NFATC1: variants seen among roughly 807,000 people sequenced by gnomAD.
The protein encoded by NFATC1 is nuclear factor of activated T-cells, cytoplasmic 1.
Under a neutral mutation model 76.0 loss-of-function variants are expected in NFATC1, and 22 were observed. The ratio of observed to expected loss-of-function variants is 0.29; its 90% confidence interval spans 0.21 to 0.41. The LOEUF (loss-of-function observed/expected upper bound fraction) is 0.41, where lower values mean the gene tolerates loss of function less well. Among genes scored for constraint, NFATC1 ranks in the 10% least tolerant of loss-of-function variants. NFATC1 has a pLI of 1.00. For synonymous variants in NFATC1, 704 were observed against 613.1 expected, an observed-to-expected ratio of 1.15 and a Z score of -2.19; for missense variants, 1,357 against 1,337.7, an observed-to-expected ratio of 1.01 and a Z score of -0.23.
chr18:79,399,927 T>C (rs2148124047), intron 1 of NFATC1, among the ~76,000 whole-genome samples: 1 of 152,076 alleles, frequency 6.6e-6, no homozygotes, highest in East Asian at 1.9e-4. Flanking sequence ...GGGGTCACCG[T>C]TGCAGCCGCT....
rs571800679 is a variant in NFATC1, at chr18:79,453,102, G to A, written c.1903+1286G>A. Among the ~76,000 whole-genome samples the A allele has an allele frequency of 3.3e-5, 5 of 152,330 alleles. No individual in the cohort carries two copies. In the South Asian group the frequency reaches 6.2e-4, roughly 19 times the overall value. On this transcript the variant is annotated intron_variant, in intron 6 of 9. Transcript: ENST00000427363. ...GACCGGGAAGGCATTTGCATTGCCC[G>A]TGCCTTCTCGGGAGGAGGCTAATTT...
intron 7 of NFATC1, among the ~76,000 whole-genome samples, chr18:79,464,711 T>TATATA (rs1260438061): frequency 8.4e-6 from 1 of 119,476 alleles, no homozygotes; most frequent in African/African-American, 3.6e-5. Flanking sequence ...TATTTATTTA[T>TATATA]TTTTTTTTTT....
chr18:79,467,622 G>A (rs747668619), intron 8 of NFATC1, 40 bp downstream of exon 8: 32 of 1,604,308 alleles, frequency 2.0e-5, no homozygotes, highest in Middle Eastern at 1.7e-4. Context: ...GAACATGAGC[G>A]CGTGGGGTGC....
intron 6 of NFATC1, among the ~76,000 whole-genome samples, chr18:79,456,357 G>A (rs1375194144): frequency 6.6e-6 from 1 of 152,210 alleles, no homozygotes; most frequent in African/African-American, 2.4e-5. Context: ...AGAGAGCCGG[G>A]TCAGAGGAGT....
chr18:79,397,497 G>A (rs1387893768), intron 1 of NFATC1, among the ~76,000 whole-genome samples: 1 of 152,216 alleles, frequency 6.6e-6, no homozygotes, highest in Admixed American at 6.5e-5. Context: ...CACGGAGGGG[G>A]GTCCGTGTGG....
intron 3 of NFATC1, among the ~76,000 whole-genome samples, chr18:79,436,341 A>G (rs2086775030): frequency 6.6e-6 from 1 of 152,194 alleles, no homozygotes; most frequent in South Asian, 2.1e-4. Flanking sequence ...TGCATTTGAG[A>G]AATGCTGTTC....
At position 79,498,904 on chromosome 18, in the gene NFATC1, A is replaced by G. The variant is rs551415938; in HGVS notation, c.2782+11967A>G. 2.3e-4 allele frequency among the ~76,000 whole-genome samples: 35 copies of G among 152,356 alleles called. 1 individual carries two copies. In the South Asian group the frequency reaches 6.8e-3, roughly 30 times the overall value. ...GAAAGAAAACCACTGTCAACCAAGA[A>G]TTCTATATCTAGTAAAACTCATCTT... On this transcript the variant is annotated intron_variant, in intron 9 of 9. Transcript: ENST00000427363.
At position 79,486,351 on chromosome 18, in the gene NFATC1, G is replaced by C; in HGVS notation, c.2196G>C (p.Gln732His). Residue 732 changes from glutamine to histidine, a missense_variant, in exon 9 of 10, where the codon CAG becomes CAC. Gln to His is a conservative substitution (Grantham distance 24). Transcript: ENST00000427363. ...LSPLPRPYYS[Q>H]QLAMPPDPSS... is the part of the protein sequence containing the mutation. The stretch of plus-strand genomic sequence containing the variant: ...CTCTCCCAAGACCATACTACAGCCA[G>C]CAGCTCGCGATGCCACCCGACCCCA... 1 of 1,613,112 alleles carries C rather than the reference G, an allele frequency of 6.2e-7. No homozygotes were observed. Among genetic ancestry groups the C allele is most frequent in the African/African-American group, 1.3e-5 (1 of 75,032 alleles).
At chr18:79,476,078 C>A (rs1386517538) in intron 8 of NFATC1, among the ~76,000 whole-genome samples, 1 of 150,672 alleles carries the variant, frequency 6.6e-6, no homozygotes, top group East Asian at 1.9e-4. Flanking sequence ...GTTGAGAAAT[C>A]TAAGGGCCAC....
chr18:79,396,818 C>T (rs1457079645), intron 1 of NFATC1, among the ~76,000 whole-genome samples: 2 of 150,812 alleles, frequency 1.3e-5, no homozygotes, highest in African/African-American at 4.9e-5. Flanking sequence ...CCACCCCGAG[C>T]TCGTGGCGGC....
intron 9 of NFATC1, among the ~76,000 whole-genome samples, chr18:79,498,561 T>G (rs1030255419): frequency 1.3e-5 from 2 of 152,194 alleles, no homozygotes; most frequent in African/African-American, 4.8e-5. Context: ...TAAACACATA[T>G]ACACATGCAT....
chr18:79,469,436 GGCGGCCCCCAGGACC>G, intron 8 of NFATC1: 6 of 985,522 alleles, frequency 6.1e-6, no homozygotes, highest in Non-Finnish European at 7.2e-6. Context: ...GGTGGGAGGT[GGCGGCCCCCAGGACC>G]GTGGCCACAG....
chr18:79,413,383 T>C (rs1020474288), intron 2 of NFATC1, among the ~76,000 whole-genome samples: 1 of 152,220 alleles, frequency 6.6e-6, no homozygotes, highest in African/African-American at 2.4e-5. Flanking sequence ...TCAGGGGCTG[T>C]TCTTTTGGAG....
chr18:79,499,781 G>A (rs1361068441), intron 9 of NFATC1, among the ~76,000 whole-genome samples: 1 of 152,184 alleles, frequency 6.6e-6, no homozygotes, highest in Non-Finnish European at 1.5e-5. Context: ...GAAAGTGAAA[G>A]GATGAAAAAG....
intron 3 of NFATC1, among the ~76,000 whole-genome samples, chr18:79,447,379 G>A (rs377317858): frequency 7.9e-5 from 12 of 152,374 alleles, no homozygotes; most frequent in African/African-American, 2.2e-4. Flanking sequence ...TGGCTGGAAC[G>A]TGCCTGCAGG....
chr18:79,479,261 C>G (rs2089189582), intron 8 of NFATC1, among the ~76,000 whole-genome samples: 1 of 152,252 alleles, frequency 6.6e-6, no homozygotes, highest in African/African-American at 2.4e-5. Context: ...TGGCTGATAT[C>G]AGGAGGTAGC....
intron 1 of NFATC1, chr18:79,402,341 G>T (rs2085295987): frequency 5.1e-6 from 5 of 985,298 alleles, no homozygotes; most frequent in Non-Finnish European, 6.0e-6. Flanking sequence ...TGAACATGGG[G>T]TCTCTCCTGA....
intron 2 of NFATC1, among the ~76,000 whole-genome samples, chr18:79,412,547 G>A (rs1198513278): frequency 6.6e-6 from 1 of 152,192 alleles, no homozygotes; most frequent in Non-Finnish European, 1.5e-5. Flanking sequence ...TGCCTGCAGG[G>A]TGAGGAAGGC....
At chr18:79,522,350 C>G (rs1381103182) in intron 9 of NFATC1, among the ~76,000 whole-genome samples, 5 of 86,280 alleles carry the variant, frequency 5.8e-5, no homozygotes, top group African/African-American at 2.5e-4. Context: ...TGGGGGGTGT[C>G]CACTGATGTT....
Sources: allele counts gnomAD v4.1 joint callset (sites outside exome capture counted in the v4.1 genomes callset), GRCh38; gene constraint gnomAD v4.1.1; transcripts MANE v1.5; gene names NCBI Gene and HGNC (gene_info 2026-07-23, HGNC 2026-07-21).